Variants in ZFHX3 observed in about 807,000 individuals in gnomAD.
The protein encoded by ZFHX3 is zinc finger homeobox 3, also known as zinc finger homeobox protein 3.
In ZFHX3, 42 loss-of-function variants were observed where a neutral mutation model predicts 279.1. That is an observed-to-expected ratio of 0.15 (90% CI 0.12 to 0.19). ZFHX3 has a LOEUF of 0.19. Among genes scored for constraint, ZFHX3 ranks in the 10% least tolerant of loss-of-function variants. The pLI, the probability that ZFHX3 is intolerant of heterozygous loss-of-function variation, is 1.00. For synonymous variants in ZFHX3, 2,293 were observed against 1,957.8 expected (o/e 1.17, Z -4.52); for missense variants, 4,981 against 4,754.0 (o/e 1.05, Z -1.40).
intron 3 of ZFHX3, among the ~76,000 whole-genome samples, chr16:72,909,613 T>C (rs2144177792): frequency 6.6e-6 from 1 of 152,054 alleles, no homozygotes. Context: ...TCAGGCCGGG[T>C]GCGGTATAAT....
intron 5 of ZFHX3, among the ~76,000 whole-genome samples, chr16:73,188,871 T>G (rs1202923034): frequency 6.6e-6 from 1 of 151,490 alleles, no homozygotes; most frequent in African/African-American, 2.4e-5. Context: ...TTTTTCTTTT[T>G]TTTTTTTTTT....
intron 2 of ZFHX3, among the ~76,000 whole-genome samples, chr16:73,592,538 T>C (rs2052010078): frequency 6.6e-6 from 1 of 152,112 alleles, no homozygotes; most frequent in African/African-American, 2.4e-5. Context: ...AGATATATAC[T>C]AAAATATTTA....
intron 1 of ZFHX3, among the ~76,000 whole-genome samples, chr16:72,997,676 T>C (rs1229591936): frequency 2.6e-5 from 4 of 152,212 alleles, no homozygotes; most frequent in Non-Finnish European, 5.9e-5. Flanking sequence ...GCCAGAATCA[T>C]AACCCACACA....
chr16:72,904,462 T>A (rs2039122374), intron 3 of ZFHX3, among the ~76,000 whole-genome samples: 1 of 152,042 alleles, frequency 6.6e-6, no homozygotes, highest in South Asian at 2.1e-4. Context: ...AGAAAATCCT[T>A]CTAAAGCTCC....
intron 5 of ZFHX3, among the ~76,000 whole-genome samples, chr16:73,179,474 A>G (rs1204057647): frequency 2.0e-5 from 3 of 152,182 alleles, no homozygotes; most frequent in Non-Finnish European, 2.9e-5. Context: ...GAGTGCCCAA[A>G]GAATGTTACA....
intron 2 of ZFHX3, among the ~76,000 whole-genome samples, chr16:73,531,962 C>T (rs2019812058): frequency 1.3e-5 from 2 of 151,648 alleles, no homozygotes; most frequent in South Asian, 2.1e-4. Context: ...GTGGCATGCA[C>T]CTGTAATCCC....
chr16:73,787,762 G>T (rs917764329), intron 1 of ZFHX3, among the ~76,000 whole-genome samples: 1 of 151,212 alleles, frequency 6.6e-6, no homozygotes, highest in African/African-American at 2.4e-5. Context: ...CCCAACACTG[G>T]ATAGGCCTAC....
chr16:73,011,739 C>T (rs1963927035), intron 1 of ZFHX3, among the ~76,000 whole-genome samples: 2 of 151,674 alleles, frequency 1.3e-5, no homozygotes, highest in Admixed American at 6.6e-5. Flanking sequence ...AAAAAAAAAT[C>T]ACAAGCCCCC....
chr16:73,403,607 G>C (rs2017301598), intron 3 of ZFHX3, among the ~76,000 whole-genome samples: 1 of 152,166 alleles, frequency 6.6e-6, no homozygotes. Context: ...CAAATTTGCT[G>C]TGACACTTCA....
Position 72,788,574 on chromosome 16 carries a change from G to A in ZFHX3, c.9702C>T (p.Asp3234=), listed in dbSNP as rs2035559990. The A allele has an allele frequency of 6.2e-7, 1 of 1,613,922 alleles. No individual in the cohort carries two copies. Among genetic ancestry groups the A allele is most frequent in the East Asian group, 2.2e-5 (1 of 44,806 alleles). The change falls in exon 10 of 10, where the codon GAC becomes GAT. Residue 3234 remains aspartate, a synonymous_variant. Transcript: ENST00000268489. ...LPLQQQQQRK[D]KDSEKVKEKE... is the part of the protein sequence containing the mutation. ...TCTCCTTTACTTTCTCACTGTCTTT[G>A]TCCTTGCGTTGCTGCTGCTGTTGCA...
chr16:73,155,140 T>G (rs1206113906), intron 5 of ZFHX3, among the ~76,000 whole-genome samples: 1 of 149,388 alleles, frequency 6.7e-6, no homozygotes, highest in Non-Finnish European at 1.5e-5. Context: ...GCCATTGCAC[T>G]TCAGCCTGGG....
At chr16:73,695,923 C>T (rs935955283) in intron 1 of ZFHX3, among the ~76,000 whole-genome samples, 2 of 152,108 alleles carry the variant, frequency 1.3e-5, no homozygotes, top group Non-Finnish European at 2.9e-5. Context: ...GATGTAGGAG[C>T]AACAAAGGAG....
chr16:73,059,862 TAGA>T (rs1327470253), upstream of ZFHX3, among the ~76,000 whole-genome samples: 1 of 151,978 alleles, frequency 6.6e-6, no homozygotes, highest in Non-Finnish European at 1.5e-5. Context: ...TCTGGTTCTT[TAGA>T]AGGAGAGAGG....
chr16:73,361,210 G>A (rs72799418), intron 3 of ZFHX3, among the ~76,000 whole-genome samples: 14,164 of 152,282 alleles, frequency 0.093, 695 homozygotes, highest in Non-Finnish European at 0.11. Flanking sequence ...CTTGGGATTC[G>A]TGCCCTTGTT....
chr16:73,749,913 T>C (rs2053745609), intron 1 of ZFHX3, among the ~76,000 whole-genome samples: 2 of 152,198 alleles, frequency 1.3e-5, no homozygotes, highest in Non-Finnish European at 2.9e-5. Flanking sequence ...ATAAAACCAG[T>C]GGTAAGTAAC....
At chr16:73,481,611 GTGT>G (rs1567497136) in intron 2 of ZFHX3, among the ~76,000 whole-genome samples, 3 of 146,482 alleles carry the variant, frequency 2.0e-5, no homozygotes, top group African/African-American at 7.5e-5. Flanking sequence ...AATGTGCGTG[GTGT>G]TGTTTTTTTG....
intron 1 of ZFHX3, among the ~76,000 whole-genome samples, chr16:73,849,938 G>A (rs1399534563): frequency 6.6e-6 from 1 of 152,062 alleles, no homozygotes; most frequent in African/African-American, 2.4e-5. Context: ...TCACCATGTT[G>A]GTCAGGCTCG....
chr16:73,597,801 A>T lies in ZFHX3; in HGVS notation c.-1547+82379T>A, dbSNP rs572152828. Among the ~76,000 whole-genome samples, 4 of 152,338 alleles carry T rather than the reference A, an allele frequency of 2.6e-5. No individual in the cohort carries two copies. In the South Asian group the frequency reaches 8.3e-4, roughly 32 times the overall value. On this transcript the variant is annotated intron_variant, in intron 2 of 17. Coordinates refer to the ZFHX3 transcript ENST00000641206. ...CAGAACTGTGAGAAAATGAATTTCT[A>T]TTGCTTTAAATCACATAGTTCATGC... is the stretch of plus-strand genomic sequence containing the variant.
At chr16:73,307,762 A>T (rs973064562) in intron 4 of ZFHX3, among the ~76,000 whole-genome samples, 3 of 152,198 alleles carry the variant, frequency 2.0e-5, no homozygotes, top group African/African-American at 7.2e-5. Flanking sequence ...TTTTATACCC[A>T]CGAGGTGATG....
Sources: allele counts gnomAD v4.1 joint callset (sites outside exome capture counted in the v4.1 genomes callset), GRCh38; gene constraint gnomAD v4.1.1; transcripts MANE v1.5; gene names NCBI Gene and HGNC (gene_info 2026-07-23, HGNC 2026-07-21).